Variants in PRKN observed in about 807,000 individuals in gnomAD.
PRKN encodes parkin RBR E3 ubiquitin protein ligase.
Under a neutral mutation model 59.5 loss-of-function variants are expected in PRKN, and 56 were observed. That is an observed-to-expected ratio of 0.94 (90% confidence interval 0.76 to 1.18). The LOEUF is 1.18. Among genes scored for constraint, PRKN ranks in the 50% most tolerant of loss-of-function variants. The probability of loss-of-function intolerance (pLI) is 0.00; values close to 1 mark genes in which losing one functional copy is unlikely to be tolerated. For synonymous variants in PRKN, 250 were observed against 222.1 expected, an observed-to-expected ratio of 1.13 and a Z score of -1.12; for missense variants, 657 against 596.4, an observed-to-expected ratio of 1.10 and a Z score of -1.06.
intron 6 of PRKN, among the ~76,000 whole-genome samples, chr6:161,914,024 C>T (rs1471569553): frequency 1.3e-5 from 2 of 152,154 alleles, no homozygotes; most frequent in Non-Finnish European, 2.9e-5. Flanking sequence ...AAATAAATTT[C>T]TATTGTTCAA....
intron 3 of PRKN, among the ~76,000 whole-genome samples, chr6:162,229,795 C>T (rs188089763): frequency 6.6e-6 from 1 of 152,350 alleles, no homozygotes; most frequent in African/African-American, 2.4e-5. Flanking sequence ...TGTTTTTGTA[C>T]AAACGACCAA....
chr6:161,424,336 CAAAA>C (rs56268660), intron 9 of PRKN, among the ~76,000 whole-genome samples: 14 of 109,168 alleles, frequency 1.3e-4, no homozygotes, highest in Non-Finnish European at 7.5e-5. Context: ...GATTCTGTCT[CAAAA>C]AAAAAAAAAA....
intron 4 of PRKN, among the ~76,000 whole-genome samples, chr6:162,137,124 GA>G (rs746076227): frequency 1.9e-4 from 29 of 152,018 alleles, no homozygotes; most frequent in Non-Finnish European, 2.6e-4. Context: ...GACTATCAAA[GA>G]ATCATTTATT....
chr6:162,217,724 C>T (rs1294720615), intron 3 of PRKN, among the ~76,000 whole-genome samples: 1 of 152,104 alleles, frequency 6.6e-6, no homozygotes, highest in Non-Finnish European at 1.5e-5. Context: ...ATAAATACAT[C>T]AATCAGAGGA....
intron 7 of PRKN, among the ~76,000 whole-genome samples, chr6:161,627,465 A>G (rs981118147): frequency 2.0e-5 from 3 of 152,254 alleles, no homozygotes; most frequent in Non-Finnish European, 2.9e-5. Flanking sequence ...AACAGTGTTT[A>G]CTATAAAGAA....
chr6:161,797,109 C>G (rs1790881573), intron 6 of PRKN, among the ~76,000 whole-genome samples: 1 of 152,178 alleles, frequency 6.6e-6, no homozygotes, highest in Admixed American at 6.5e-5. Context: ...TTATTTCAGA[C>G]ACAGAGTGGT....
intron 7 of PRKN, chr6:161,783,746 T>G (rs945225574): frequency 8.7e-6 from 4 of 459,222 alleles, no homozygotes; most frequent in South Asian, 3.3e-5. Context: ...AATAATAAAC[T>G]TCACTAGATT....
At chr6:162,350,748 A>C (rs1784588964) in intron 2 of PRKN, among the ~76,000 whole-genome samples, 1 of 152,170 alleles carries the variant, frequency 6.6e-6, no homozygotes, top group African/African-American at 2.4e-5. Flanking sequence ...TTCCTTTATG[A>C]CCTTGGGTTA....
Position 162,098,934 on chromosome 6 carries a change from G to T in PRKN, c.535-44760C>A, listed in dbSNP as rs75547638. Among the ~76,000 whole-genome samples, 1,287 of 152,252 alleles carry T rather than the reference G, an allele frequency of 8.5e-3. 12 individuals are homozygous for T. Among genetic ancestry groups the T allele is most frequent in the African/African-American group, 0.029 (1,208 of 41,536 alleles). On this transcript the variant is annotated intron_variant, in intron 4 of 11. Transcript: ENST00000366898. Reference sequence around the variant, plus strand: ...ATGTGGACTTGTCACTCTGCCACCAGGACGAATATACAAAATCTGGAGTCC... The same window carrying T: ...ATGTGGACTTGTCACTCTGCCACCATGACGAATATACAAAATCTGGAGTCC...
rs904472638 is a variant in PRKN, at chr6:161,812,074, T to A, written c.735-26166A>T. 7.2e-5 allele frequency among the ~76,000 whole-genome samples: 11 copies of A among 152,206 alleles called. 1 individual carries two copies. Among genetic ancestry groups the A allele is most frequent in the African/African-American group, 2.6e-4 (11 of 41,538 alleles). Reference sequence around the variant, plus strand: ...AAAGCAAAAAATCAATATATTGGACTTCATCAAAATTAAAATTAAAATGTT... The same window carrying A: ...AAAGCAAAAAATCAATATATTGGACATCATCAAAATTAAAATTAAAATGTT... On this transcript the variant is annotated intron_variant, in intron 6 of 11. Transcript: ENST00000366898.
chr6:161,830,988 G>T (rs1430312159), intron 6 of PRKN, among the ~76,000 whole-genome samples: 1 of 152,064 alleles, frequency 6.6e-6, no homozygotes, highest in Non-Finnish European at 1.5e-5. Flanking sequence ...AACACAGGCT[G>T]GCCAAGCTCC....
At chr6:162,400,798 T>C (rs1018812345) in intron 2 of PRKN, among the ~76,000 whole-genome samples, 8 of 152,312 alleles carry the variant, frequency 5.3e-5, no homozygotes, top group African/African-American at 1.9e-4. Flanking sequence ...GTCATTTCCT[T>C]GAAGAGACTG....
rs79128468 is a variant in PRKN, at chr6:161,548,681, T to G, written c.1083+173A>C. ...TTTTCACCAAAATAAATACATAAAT[T>G]TTCAAATCTGGAGTCCTATAAAGGA... On this transcript the variant is annotated intron_variant, in intron 9 of 11. Transcript: ENST00000366898. This position sits in a 1 kb window ranked among gnomAD's most constrained non-coding sequence, Gnocchi z 4.2. The G allele has an allele frequency of 5.7e-3, 3,665 of 647,968 alleles. 98 individuals are homozygous for G. The African/African-American group carries it at 0.057, about 10-fold the overall frequency. 40.1% of individuals were successfully genotyped at this position (647,968 alleles called of 1,614,324 possible). A position where few individuals can be genotyped will look rare whatever the true frequency, so the allele number is the denominator to read the frequency against.
intron 3 of PRKN, among the ~76,000 whole-genome samples, chr6:162,214,039 T>C (rs940495948): frequency 6.6e-6 from 1 of 151,956 alleles, no homozygotes; most frequent in African/African-American, 2.4e-5. Flanking sequence ...TCAATGCTGT[T>C]AGGGAGTGAC....
chr6:161,751,704 G>A (rs951712886), intron 7 of PRKN, among the ~76,000 whole-genome samples: 3 of 152,174 alleles, frequency 2.0e-5, no homozygotes, highest in Non-Finnish European at 4.4e-5. Flanking sequence ...CAGATTACAC[G>A]ATCCCTGCCT....
chr6:161,719,518 A>G (rs1301545438), intron 7 of PRKN, among the ~76,000 whole-genome samples: 1 of 152,188 alleles, frequency 6.6e-6, no homozygotes, highest in East Asian at 1.9e-4. Flanking sequence ...TAGGGCTATC[A>G]TGTGTGATTA....
chr6:161,623,270 C>T (rs1034896999), intron 7 of PRKN, among the ~76,000 whole-genome samples: 1 of 152,180 alleles, frequency 6.6e-6, no homozygotes, highest in African/African-American at 2.4e-5. Flanking sequence ...GTGCTTCCTA[C>T]TATGATATCC....
At chr6:162,362,072 CCAAA>C (rs1384264234) in intron 2 of PRKN, among the ~76,000 whole-genome samples, 1 of 152,068 alleles carries the variant, frequency 6.6e-6, no homozygotes, top group Non-Finnish European at 1.5e-5. Flanking sequence ...GTAAAAGATC[CCAAA>C]CATTTTGCCA....
intron 1 of PRKN, among the ~76,000 whole-genome samples, chr6:162,617,250 G>T (rs887753001): frequency 2.8e-4 from 43 of 152,052 alleles, no homozygotes; most frequent in African/African-American, 1.0e-3. Flanking sequence ...ATTATTTTTT[G>T]AGACGGAGTC....
Sources: allele counts gnomAD v4.1 joint callset (sites outside exome capture counted in the v4.1 genomes callset), GRCh38; gene constraint gnomAD v4.1.1; non-coding constraint Gnocchi (gnomAD v3.1); transcripts MANE v1.5; gene names NCBI Gene and HGNC (gene_info 2026-07-23, HGNC 2026-07-21).